Variants in RANBP2 observed in about 807,000 individuals in gnomAD.
RANBP2 encodes the protein RAN binding protein 2.
A neutral mutation model predicts 303.6 loss-of-function variants in RANBP2; 57 were observed. The observed-to-expected ratio is 0.19, with a 90% CI of 0.15 to 0.23. RANBP2 has a LOEUF of 0.23. Ranked by LOEUF, RANBP2 falls within the 10% of genes least tolerant of loss-of-function variation. RANBP2 has a pLI of 1.00. For missense variants in RANBP2, 3,138 were observed against 3,780.8 expected, an observed-to-expected ratio of 0.83 and a Z score of 4.46; for synonymous variants, 1,167 against 1,301.5, an observed-to-expected ratio of 0.90 and a Z score of 2.23.
chr2:108,763,947 T>G lies in RANBP2; in HGVS notation c.3408T>G (p.Gly1136=). 1 of 1,613,936 alleles carries G rather than the reference T, an allele frequency of 6.2e-7. No individual in the cohort carries two copies. The highest frequency in any genetic ancestry group is 8.5e-7 in the Non-Finnish European group (1 of 1,179,954). ...RRSDDMFTFH[G]PGKSVFGTPT... ...GTGATGATATGTTTACTTTCCATGG[T>G]CCAGGGAAATCAGTATTTGGAACAC... Residue 1136 remains glycine, a synonymous_variant, in exon 20 of 29, where the codon GGT becomes GGG. Transcript: ENST00000283195.
the RANBP2 span, among the ~76,000 whole-genome samples, chr2:109,108,613 G>A: frequency 1.1e-4 from 17 of 152,176 alleles, no homozygotes; most frequent in African/African-American, 3.1e-4. Flanking sequence ...GTGTGCTCAC[G>A]TTTCTCTTGT....
the RANBP2 span, among the ~76,000 whole-genome samples, chr2:109,595,606 T>A: frequency 1.3e-5 from 2 of 151,960 alleles, no homozygotes; most frequent in African/African-American, 4.8e-5. Flanking sequence ...GACTTTGAAG[T>A]GAGTCAGGAA....
chr2:109,468,659 G>C, the RANBP2 span, among the ~76,000 whole-genome samples: 1 of 151,890 alleles, frequency 6.6e-6, no homozygotes, highest in Admixed American at 6.6e-5. Context: ...TTTGAGACCA[G>C]CCTGGCCAAC....
chr2:109,323,803 C>G, the RANBP2 span, among the ~76,000 whole-genome samples: 3 of 152,192 alleles, frequency 2.0e-5, no homozygotes, highest in Non-Finnish European at 4.4e-5. Context: ...TTTTAGGTCT[C>G]CAAATATTTC....
At chr2:109,060,844 ATG>A in the RANBP2 span, among the ~76,000 whole-genome samples, 2 of 152,186 alleles carry the variant, frequency 1.3e-5, no homozygotes, top group Non-Finnish European at 2.9e-5. Flanking sequence ...TAAATGTTAT[ATG>A]TGTCATATAT....
At chr2:109,472,113 TATTA>T in the RANBP2 span, among the ~76,000 whole-genome samples, 1 of 152,160 alleles carries the variant, frequency 6.6e-6, no homozygotes, top group Non-Finnish European at 1.5e-5. Flanking sequence ...TGTTAATTAT[TATTA>T]ATTAGTTAAT....
At chr2:108,825,584 A>G in the RANBP2 span, among the ~76,000 whole-genome samples, 1 of 152,034 alleles carries the variant, frequency 6.6e-6, no homozygotes, top group African/African-American at 2.4e-5. Flanking sequence ...TCCGTGGCTG[A>G]CTCATTTATT....
the RANBP2 span, among the ~76,000 whole-genome samples, chr2:109,506,822 C>T: frequency 1.3e-5 from 2 of 152,184 alleles, no homozygotes; most frequent in Non-Finnish European, 2.9e-5. Flanking sequence ...GCACTTACCA[C>T]CTAATGAGGT....
chr2:109,007,553 C>T, the RANBP2 span, among the ~76,000 whole-genome samples: 1 of 152,180 alleles, frequency 6.6e-6, no homozygotes, highest in Non-Finnish European at 1.5e-5. Context: ...AGTAGCCTGC[C>T]TGGGGCTGTT....
the RANBP2 span, among the ~76,000 whole-genome samples, chr2:109,484,302 G>A: frequency 2.0e-5 from 3 of 152,016 alleles, no homozygotes; most frequent in African/African-American, 7.2e-5. Context: ...CCTGACCTGA[G>A]GTGATCCGTC....
At chr2:109,106,762 G>T in the RANBP2 span, among the ~76,000 whole-genome samples, 2 of 151,984 alleles carry the variant, frequency 1.3e-5, no homozygotes, top group East Asian at 3.9e-4. Flanking sequence ...GTGTGAATCC[G>T]GGAGGCAGAG....
At chr2:109,228,671 T>C in the RANBP2 span, among the ~76,000 whole-genome samples, 2 of 152,078 alleles carry the variant, frequency 1.3e-5, no homozygotes, top group Non-Finnish European at 2.9e-5. Flanking sequence ...TTTATTATAT[T>C]AGTGGAGGGC....
At chr2:109,047,158 C>T in the RANBP2 span, among the ~76,000 whole-genome samples, 1 of 152,242 alleles carries the variant, frequency 6.6e-6, no homozygotes, top group East Asian at 1.9e-4. Context: ...CCACTTGGCC[C>T]AGCCCTGCTC....
At chr2:109,432,675 AG>A in the RANBP2 span, 1 of 1,609,236 alleles carries the variant, frequency 6.2e-7, no homozygotes, top group African/African-American at 1.3e-5. Flanking sequence ...TTTCCAGGTG[AG>A]GGCATGGTGG....
the RANBP2 span, among the ~76,000 whole-genome samples, chr2:109,216,401 C>T: frequency 3.3e-5 from 5 of 152,242 alleles, no homozygotes; most frequent in Non-Finnish European, 2.9e-5. Context: ...TGTGTTAAAA[C>T]GGTGAGATCC....
At chr2:109,048,288 A>G in the RANBP2 span, among the ~76,000 whole-genome samples, 3 of 152,168 alleles carry the variant, frequency 2.0e-5, no homozygotes, top group African/African-American at 7.2e-5. Flanking sequence ...TATCTTTGGC[A>G]TTAAATATTA....
chr2:109,717,206 A>G, the RANBP2 span, among the ~76,000 whole-genome samples: 3 of 151,938 alleles, frequency 2.0e-5, no homozygotes, highest in African/African-American at 4.8e-5. Context: ...AGATCAATAT[A>G]TAAAAATCAA....
chr2:109,156,723 A>G, the RANBP2 span, among the ~76,000 whole-genome samples: 7 of 152,130 alleles, frequency 4.6e-5, no homozygotes, highest in African/African-American at 1.4e-4. Context: ...GATTACAGGC[A>G]TGAGCCACCG....
the RANBP2 span, among the ~76,000 whole-genome samples, chr2:109,625,316 A>C: frequency 6.6e-6 from 1 of 152,018 alleles, no homozygotes; most frequent in East Asian, 1.9e-4. Flanking sequence ...GAGAACAGAT[A>C]AATTGTGATG....
Sources: gnomAD v4.1 joint callset for allele counts (sites outside exome capture counted in the v4.1 genomes callset) on GRCh38, gnomAD v4.1.1 for gene constraint, MANE v1.5 for transcripts, NCBI Gene and HGNC (gene_info 2026-07-23, HGNC 2026-07-21) for gene names.